DMD: variants seen among roughly 807,000 people sequenced by gnomAD.
DMD encodes dystrophin.
In DMD, 63 loss-of-function variants were observed where a neutral mutation model predicts 330.1. The observed-to-expected ratio is 0.19, with a 90% CI of 0.16 to 0.24. DMD has a LOEUF of 0.24. DMD is among the 10% of genes least tolerant of loss of function. DMD has a pLI of 1.00. For synonymous variants in DMD, 1,223 were observed against 959.8 expected (o/e 1.27, Z -5.07); for missense variants, 3,344 against 2,684.1 (o/e 1.25, Z -5.43).
chrX:31,140,905 A>C (rs1475481451), intron 76 of DMD, among the ~76,000 whole-genome samples: 5 of 111,774 alleles, frequency 4.5e-5, no homozygotes, highest in Non-Finnish European at 9.4e-5. Context: ...CTGGCTGAAA[A>C]CATGGCTGGG....
intron 7 of DMD, among the ~76,000 whole-genome samples, chrX:32,706,949 G>A (rs969721296): frequency 6.3e-5 from 7 of 110,356 alleles, no homozygotes; most frequent in East Asian, 2.9e-4. Flanking sequence ...AAAATCAGCC[G>A]GGTATGGTGG....
At chrX:33,183,284 T>TAGAAAAGG (rs777164455) in intron 1 of DMD, among the ~76,000 whole-genome samples, 10 of 111,710 alleles carry the variant, frequency 9.0e-5, no homozygotes, top group African/African-American at 3.3e-4. Context: ...GAGAAGGATT[T>TAGAAAAGG]AGAAAAGGAG....
intron 71 of DMD, among the ~76,000 whole-genome samples, chrX:31,176,636 G>T (rs186078888): frequency 9.0e-5 from 10 of 111,357 alleles, no homozygotes; most frequent in Non-Finnish European, 3.8e-5. Context: ...CTCTTTAAAA[G>T]TTTCTTATTT....
chrX:32,632,923 C>A (rs1194579743), intron 11 of DMD, among the ~76,000 whole-genome samples: 4 of 112,443 alleles, frequency 3.6e-5, no homozygotes, highest in Non-Finnish European at 7.5e-5. Context: ...CACTTGCCTT[C>A]TTTGTAGGTA....
intron 13 of DMD, among the ~76,000 whole-genome samples, chrX:32,579,308 T>C (rs1156704482): frequency 1.8e-5 from 2 of 112,282 alleles, no homozygotes; most frequent in Non-Finnish European, 3.8e-5. Context: ...TAAATGATCC[T>C]GTAATAATCT....
At chrX:31,244,240 C>A (rs1298242918) in intron 63 of DMD, among the ~76,000 whole-genome samples, 2 of 112,006 alleles carry the variant, frequency 1.8e-5, no homozygotes, top group East Asian at 5.5e-4. Context: ...GCCTTGTCAC[C>A]TTGACACCAT....
chrX:31,372,859 A>G (rs1184618366), intron 60 of DMD, among the ~76,000 whole-genome samples: 21 of 111,388 alleles, frequency 1.9e-4, no homozygotes, highest in Non-Finnish European at 2.8e-4. Context: ...AGGGTATTCA[A>G]TTAGGAAAAG....
At chrX:31,522,363 C>CTCTATATATATATATATATATATA in intron 55 of DMD, among the ~76,000 whole-genome samples, 6 of 35,964 alleles carry the variant, frequency 1.7e-4, no homozygotes, top group Non-Finnish European at 2.1e-4. Context: ...CTCTCTCTCT[C>CTCTATATATATATATATATATATA]TATATATATA....
chrX:31,305,275 TA>T (rs1452573929), intron 62 of DMD, among the ~76,000 whole-genome samples: 1 of 111,866 alleles, frequency 8.9e-6, no homozygotes, highest in Non-Finnish European at 1.9e-5. Context: ...GTGAGAACAT[TA>T]AAAATCTATT....
chrX:32,254,616 A>T (rs968437747), intron 43 of DMD, among the ~76,000 whole-genome samples: 2 of 111,936 alleles, frequency 1.8e-5, no homozygotes, highest in Non-Finnish European at 3.8e-5. Context: ...GTAAGTACAC[A>T]AATAACAAAT....
chrX:32,160,133 G>A (rs1217019747), intron 44 of DMD, among the ~76,000 whole-genome samples: 1 of 110,916 alleles, frequency 9.0e-6, no homozygotes, highest in Non-Finnish European at 1.9e-5. Context: ...TGGAAATTCA[G>A]CACTATTTTG....
intron 47 of DMD, among the ~76,000 whole-genome samples, chrX:31,919,953 T>G (rs899617871): frequency 1.2e-4 from 14 of 112,207 alleles, no homozygotes; most frequent in African/African-American, 4.5e-4. Context: ...CTTGCAAACC[T>G]GGGGTTCCAT....
intron 34 of DMD, among the ~76,000 whole-genome samples, chrX:32,369,182 G>A (rs961061668): frequency 9.0e-6 from 1 of 111,519 alleles, no homozygotes; most frequent in Non-Finnish European, 1.9e-5. Context: ...AGTATAAATA[G>A]TCCAAATACT....
At chrX:32,741,201 C>G (rs1480178124) in intron 7 of DMD, among the ~76,000 whole-genome samples, 5 of 111,264 alleles carry the variant, frequency 4.5e-5, no homozygotes, top group African/African-American at 1.6e-4. Flanking sequence ...GATATTGCCA[C>G]TAAATGTACT....
chrX:31,762,056 A>T (rs1461242820), intron 51 of DMD, among the ~76,000 whole-genome samples: 1 of 112,213 alleles, frequency 8.9e-6, no homozygotes, highest in African/African-American at 3.2e-5. Context: ...CAATCCTCCC[A>T]AGATCCTTAG....
At chrX:31,303,387 A>G (rs1306423518) in intron 62 of DMD, among the ~76,000 whole-genome samples, 1 of 111,440 alleles carries the variant, frequency 9.0e-6, no homozygotes, top group Non-Finnish European at 1.9e-5. Flanking sequence ...AACATTTACA[A>G]TCAAATTGCC....
chrX:32,252,775 T>TATATATATATATAA (rs2097275751), intron 43 of DMD, among the ~76,000 whole-genome samples: 1 of 38,078 alleles, frequency 2.6e-5, no homozygotes, highest in African/African-American at 1.4e-4. Context: ...TATATATAAA[T>TATATATATATATAA]ATATATAAAT....
chrX:32,387,246 C>A (rs937719637), intron 32 of DMD, among the ~76,000 whole-genome samples: 2 of 110,906 alleles, frequency 1.8e-5, no homozygotes, highest in Non-Finnish European at 3.8e-5. Context: ...CACAATTATA[C>A]CACCAACACC....
intron 55 of DMD, among the ~76,000 whole-genome samples, chrX:31,568,005 AT>A (rs1048861199): frequency 9.0e-6 from 1 of 111,145 alleles, no homozygotes; most frequent in Non-Finnish European, 1.9e-5. Context: ...TGTTTAAAAA[AT>A]TTTTCTTTGC....
Sources: gnomAD v4.1 joint callset for allele counts (sites outside exome capture counted in the v4.1 genomes callset) on GRCh38, gnomAD v4.1.1 for gene constraint, MANE v1.5 for transcripts, NCBI Gene and HGNC (gene_info 2026-07-23, HGNC 2026-07-21) for gene names.